The following BRAP variants were observed in gnomAD, a reference collection of about 807,000 sequenced individuals.
The protein encoded by BRAP is BRCA1 associated protein.
Under a neutral mutation model 73.4 loss-of-function variants are expected in BRAP, and 42 were observed. The observed-to-expected ratio is 0.57, with a 90% CI of 0.45 to 0.74. The LOEUF (loss-of-function observed/expected upper bound fraction) is 0.74. Among genes scored for constraint, BRAP ranks in the 30% least tolerant of loss-of-function variants. The pLI is 0.00. For synonymous variants in BRAP, 255 were observed against 267.4 expected (o/e 0.95, Z 0.45); for missense variants, 593 against 751.4 (o/e 0.79, Z 2.46).
intron 5 of BRAP, among the ~76,000 whole-genome samples, chr12:111,667,882 T>A (rs202227895): frequency 6.6e-6 from 1 of 151,938 alleles, no homozygotes; most frequent in Non-Finnish European, 1.5e-5. Flanking sequence ...GGTCAACATG[T>A]ATACATTTAA....
At chr12:111,661,168 CG>C (rs1481559713) in intron 6 of BRAP, among the ~76,000 whole-genome samples, 1 of 150,004 alleles carries the variant, frequency 6.7e-6, no homozygotes, top group African/African-American at 2.5e-5. Context: ...TTGGTAGAGA[CG>C]GGGCTTCACC....
At chr12:111,660,497 A>T in intron 7 of BRAP, 103 bp downstream of exon 7, 2 of 1,024,862 alleles carry the variant, frequency 2.0e-6, no homozygotes, top group South Asian at 4.6e-5. Context: ...AATAAAAAAT[A>T]AAAAATAAAT....
intron 5 of BRAP, among the ~76,000 whole-genome samples, chr12:111,669,567 T>C (rs966586582): frequency 2.0e-5 from 3 of 152,154 alleles, no homozygotes; most frequent in Admixed American, 1.3e-4. Flanking sequence ...TCTAAAAATA[T>C]ATGCAATTCT....
chr12:111,681,532 A>G (rs1887599204), intron 3 of BRAP, 105 bp downstream of exon 3: 3 of 858,194 alleles, frequency 3.5e-6, no homozygotes, highest in Non-Finnish European at 5.2e-6. Context: ...ATTATTTTGA[A>G]GCTTAAAATA....
In BRAP at chr12:111,671,783, T is replaced by G. The variant is rs566276147; in HGVS notation, c.747+878A>C. Among the ~76,000 whole-genome samples, 26 of 145,908 alleles carry G rather than the reference T, an allele frequency of 1.8e-4. No homozygotes were observed. In the South Asian group the frequency reaches 5.6e-3, roughly 31 times the overall value. On this transcript the variant is annotated intron_variant, in intron 5 of 11. Transcript: ENST00000419234. The stretch of plus-strand genomic sequence containing the variant: ...CACTATAGCCTGGACCTCCCCCGAC[T>G]CAGGTGATCTTCCTGCTTCAGGGTC...
intron 1 of BRAP, among the ~76,000 whole-genome samples, chr12:111,684,460 C>T (rs1490351507): frequency 6.6e-6 from 1 of 152,186 alleles, no homozygotes; most frequent in Non-Finnish European, 1.5e-5. Flanking sequence ...CCCCATCCCT[C>T]TCTCCAAACC....
chr12:111,665,910 A>C lies in BRAP; in HGVS notation c.748-123T>G. 4 of 1,334,538 alleles carry C rather than the reference A, an allele frequency of 3.0e-6. No homozygotes were observed. Among genetic ancestry groups the C allele is most frequent in the Non-Finnish European group, 4.1e-6 (4 of 975,756 alleles). The allele number at this position is 1,334,538 out of a possible 1,614,324, so 82.7% of individuals were successfully genotyped here. On this transcript the variant is annotated intron_variant, in intron 5 of 11. Coordinates refer to ENST00000419234, the MANE Select transcript of BRAP (RefSeq NM_006768.5). The surrounding 1 kb of genome is among the most constrained non-coding windows in gnomAD (Gnocchi z 4.3). ...CACGCTGGAGCCCAGTGGCGCAATC[A>C]TGGCTCATTACAGCCTTGACCTCCC...
chr12:111,661,485 G>C (rs1886752626), intron 6 of BRAP, among the ~76,000 whole-genome samples: 1 of 151,740 alleles, frequency 6.6e-6, no homozygotes. Flanking sequence ...CTCCCTGTTG[G>C]TCAGGCTTGT....
At chr12:111,664,415 T>C (rs985733687) in intron 6 of BRAP, among the ~76,000 whole-genome samples, 1 of 152,054 alleles carries the variant, frequency 6.6e-6, no homozygotes, top group Non-Finnish European at 1.5e-5. Flanking sequence ...AAGATACAGG[T>C]AAACACTTTA....
At chr12:111,685,015 ACAGAGC>A (rs1456981699) in intron 1 of BRAP, among the ~76,000 whole-genome samples, 2 of 152,182 alleles carry the variant, frequency 1.3e-5, no homozygotes, top group Non-Finnish European at 2.9e-5. Flanking sequence ...GGACCAAGGA[ACAGAGC>A]CAGAGCTGCA....
intron 11 of BRAP, among the ~76,000 whole-genome samples, chr12:111,646,473 C>G (rs1461606979): frequency 1.3e-5 from 2 of 151,948 alleles, no homozygotes; most frequent in African/African-American, 4.8e-5. Context: ...TTGGCAATAT[C>G]TATAAAAACA....
At chr12:111,676,669 C>A (rs1887393235) in intron 4 of BRAP, among the ~76,000 whole-genome samples, 1 of 152,178 alleles carries the variant, frequency 6.6e-6, no homozygotes, top group African/African-American at 2.4e-5. Flanking sequence ...CCACCTTGGT[C>A]TCTCCCAAAG....
intron 5 of BRAP, among the ~76,000 whole-genome samples, chr12:111,671,713 G>A (rs565962960): frequency 6.8e-6 from 1 of 146,300 alleles, no homozygotes; most frequent in Admixed American, 6.9e-5. Context: ...TTGAGACAGG[G>A]TCTCACTGTT....
At chr12:111,676,966 G>A (rs751360561) in intron 4 of BRAP, among the ~76,000 whole-genome samples, 2 of 152,166 alleles carry the variant, frequency 1.3e-5, no homozygotes, top group African/African-American at 4.8e-5. Flanking sequence ...ATGATACCAA[G>A]ATAAAGGGTT....
rs1240102062 is a variant in BRAP, at chr12:111,685,911, C to T, written c.-119G>A. 1 of 547,784 alleles carries T rather than the reference C, an allele frequency of 1.8e-6. No individual in the cohort carries two copies. Among genetic ancestry groups the T allele is most frequent in the Admixed American group, 4.5e-5 (1 of 22,154 alleles). 33.9% of individuals were successfully genotyped at this position (547,784 alleles called of 1,614,324 possible). A position where few individuals can be genotyped will look rare whatever the true frequency, so the allele number is the denominator to read the frequency against. On this transcript the variant is annotated 5_prime_UTR_variant, in exon 1 of 12. Coordinates refer to ENST00000419234, the MANE Select transcript of BRAP (RefSeq NM_006768.5). The stretch of plus-strand genomic sequence containing the variant: ...CACCACCTCAATGCAGTTGCCGCCG[C>T]CTCAGCAGCAGCAGCTCCTCGAACA...
chr12:111,665,021 G>A lies in BRAP; in HGVS notation c.896+618C>T, dbSNP rs1237050609. 1.3e-5 allele frequency among the ~76,000 whole-genome samples: 2 copies of A among 152,170 alleles called. No homozygotes were observed. The highest frequency in any genetic ancestry group is 2.9e-5 in the Non-Finnish European group (2 of 68,038). ...TGGGAAATCCAGAAGGCCAGCATCT[G>A]ATACACCTTTCTGGTTAAGTCCCAC... On this transcript the variant is annotated intron_variant, in intron 6 of 11. Coordinates refer to ENST00000419234, the MANE Select transcript of BRAP (RefSeq NM_006768.5). This position sits in a 1 kb window ranked among gnomAD's most constrained non-coding sequence, Gnocchi z 4.3.
intron 5 of BRAP, among the ~76,000 whole-genome samples, chr12:111,668,253 A>G (rs937133638): frequency 2.0e-5 from 3 of 152,206 alleles, no homozygotes; most frequent in Non-Finnish European, 4.4e-5. Flanking sequence ...TTCAATTTAA[A>G]TTGGATTCAC....
chr12:111,662,407 GGGCAT>G (rs1263185577), intron 6 of BRAP, among the ~76,000 whole-genome samples: 1 of 152,098 alleles, frequency 6.6e-6, no homozygotes, highest in East Asian at 1.9e-4. Context: ...AAAATTAGCA[GGGCAT>G]GGTAGCACAT....
intron 5 of BRAP, among the ~76,000 whole-genome samples, chr12:111,670,972 T>A (rs1450660474): frequency 6.6e-6 from 1 of 152,024 alleles, no homozygotes; most frequent in Non-Finnish European, 1.5e-5. Context: ...TGATGGCGCA[T>A]GCCTATAGTC....
Sources: allele counts gnomAD v4.1 joint callset (sites outside exome capture counted in the v4.1 genomes callset), GRCh38; gene constraint gnomAD v4.1.1; non-coding constraint Gnocchi (gnomAD v3.1); transcripts MANE v1.5; gene names NCBI Gene and HGNC (gene_info 2026-07-23, HGNC 2026-07-21).